Variants in DGKB observed in about 807,000 individuals in gnomAD.
DGKB encodes the protein 90 kDa diacylglycerol kinase.
DGKB carries 67 observed loss-of-function variants against 114.3 expected under a neutral mutation model. The observed-to-expected ratio is 0.59, with a 90% CI of 0.48 to 0.72. The LOEUF (loss-of-function observed/expected upper bound fraction) is 0.72. DGKB is among the 30% of genes least tolerant of loss of function. DGKB has a pLI of 0.00. For missense variants in DGKB, 907 were observed against 975.2 expected (o/e 0.93, Z 0.93); for synonymous variants, 398 against 323.1 (o/e 1.23, Z -2.49).
chr7:14,785,444 T>A (rs1234319213), intron 2 of DGKB, among the ~76,000 whole-genome samples: 1 of 152,184 alleles, frequency 6.6e-6, no homozygotes, highest in Non-Finnish European at 1.5e-5. Context: ...TACATGTATG[T>A]ATATACATGT....
At chr7:14,254,311 TG>T (rs1003564910) in intron 23 of DGKB, among the ~76,000 whole-genome samples, 1 of 152,220 alleles carries the variant, frequency 6.6e-6, no homozygotes, top group African/African-American at 2.4e-5. Context: ...TTCAGCCATT[TG>T]TTGAGGGTGC....
At chr7:14,758,463 G>T (rs1245824621) in intron 2 of DGKB, among the ~76,000 whole-genome samples, 1 of 151,868 alleles carries the variant, frequency 6.6e-6, no homozygotes, top group Non-Finnish European at 1.5e-5. Flanking sequence ...AGAAATCTCA[G>T]AATTACAACG....
chr7:14,778,776 C>T (rs1838618355), intron 2 of DGKB, among the ~76,000 whole-genome samples: 1 of 152,200 alleles, frequency 6.6e-6, no homozygotes, highest in African/African-American at 2.4e-5. Flanking sequence ...GCTTTTAGCA[C>T]ATTTTTGTGA....
At chr7:14,294,895 G>A (rs1465838557) in intron 23 of DGKB, among the ~76,000 whole-genome samples, 1 of 152,132 alleles carries the variant, frequency 6.6e-6, no homozygotes, top group Non-Finnish European at 1.5e-5. Context: ...GTTTTGGAGA[G>A]TCTTGTTGGA....
At chr7:14,290,158 G>A (rs560028184) in intron 23 of DGKB, among the ~76,000 whole-genome samples, 14 of 152,226 alleles carry the variant, frequency 9.2e-5, no homozygotes, top group Non-Finnish European at 1.8e-4. Context: ...AGGCTCTGGA[G>A]GAAAAGCTGT....
chr7:14,405,662 C>T (rs1205101036), intron 21 of DGKB, among the ~76,000 whole-genome samples: 1 of 151,968 alleles, frequency 6.6e-6, no homozygotes, highest in Non-Finnish European at 1.5e-5. Flanking sequence ...AAAAAGTCAG[C>T]ATGCAAGTAA....
intron 20 of DGKB, among the ~76,000 whole-genome samples, chr7:14,554,256 C>T (rs1245441650): frequency 6.6e-6 from 1 of 152,124 alleles, no homozygotes; most frequent in Admixed American, 6.5e-5. Flanking sequence ...TTGAGCACTA[C>T]TGTTGAGTGT....
intron 13 of DGKB, among the ~76,000 whole-genome samples, chr7:14,660,286 T>G (rs1816764410): frequency 2.0e-5 from 3 of 151,966 alleles, no homozygotes; most frequent in Non-Finnish European, 2.9e-5. Flanking sequence ...TTCTATTGAT[T>G]GGAATAGTTT....
intron 21 of DGKB, among the ~76,000 whole-genome samples, chr7:14,391,866 T>C (rs1371856162): frequency 6.6e-6 from 1 of 152,202 alleles, no homozygotes; most frequent in African/African-American, 2.4e-5. Context: ...AATGATATAA[T>C]ATTGAGAGAC....
chr7:14,598,693 C>G (rs995945774), intron 17 of DGKB, among the ~76,000 whole-genome samples: 3 of 151,932 alleles, frequency 2.0e-5, no homozygotes, highest in Non-Finnish European at 2.9e-5. Context: ...CTATCTTTTG[C>G]TGAAAAGTGT....
chr7:14,781,756 A>G (rs1209113531), intron 2 of DGKB, among the ~76,000 whole-genome samples: 2 of 152,196 alleles, frequency 1.3e-5, no homozygotes, highest in African/African-American at 2.4e-5. Context: ...ATTATAACAT[A>G]TAACTCTGGG....
chr7:14,608,703 G>C (rs73059484), intron 16 of DGKB, among the ~76,000 whole-genome samples: 50,037 of 151,772 alleles, frequency 0.33, 8,726 homozygotes, highest in East Asian at 0.69. Context: ...CCAAAAGGCT[G>C]TTAGAACTGA....
At chr7:14,325,904 A>C (rs1213081243) in intron 23 of DGKB, among the ~76,000 whole-genome samples, 1 of 152,142 alleles carries the variant, frequency 6.6e-6, no homozygotes, top group Admixed American at 6.6e-5. Context: ...GCATATTTTA[A>C]ATTTTATAGA....
At chr7:14,692,296 G>A (rs1238337462) in intron 9 of DGKB, among the ~76,000 whole-genome samples, 1 of 151,882 alleles carries the variant, frequency 6.6e-6, no homozygotes, top group African/African-American at 2.4e-5. Context: ...GCTCATTCCT[G>A]CATCTTCCCT....
rs536519801 is a variant in DGKB, at chr7:14,194,328, A to G, written c.2123-16177T>C. Among the ~76,000 whole-genome samples the G allele has an allele frequency of 4.6e-5, 7 of 152,292 alleles. No homozygotes were observed. The East Asian group carries it at 1.4e-3, about 29-fold the overall frequency. ...TCCAACAGTGGATGAATGGATAAAA[A>G]ATGTGGCAAATATACACCGTAGAAT... On this transcript the variant is annotated intron_variant, in intron 23 of 25. Coordinates refer to ENST00000402815, the MANE Select transcript of DGKB (RefSeq NM_001350709.2).
intron 21 of DGKB, among the ~76,000 whole-genome samples, chr7:14,372,619 T>A (rs1817842282): frequency 6.6e-6 from 1 of 152,088 alleles, no homozygotes; most frequent in Non-Finnish European, 1.5e-5. Flanking sequence ...GAGATGTGTA[T>A]AACAGAAAGA....
chr7:14,775,654 G>A (rs1838055306), intron 2 of DGKB, among the ~76,000 whole-genome samples: 1 of 151,948 alleles, frequency 6.6e-6, no homozygotes, highest in African/African-American at 2.4e-5. Flanking sequence ...ATTTCGTTCT[G>A]CATTTCTTGC....
chr7:14,446,226 A>G (rs1183263512), intron 21 of DGKB, among the ~76,000 whole-genome samples: 1 of 152,152 alleles, frequency 6.6e-6, no homozygotes, highest in Non-Finnish European at 1.5e-5. Context: ...AGACAAACTT[A>G]CTGTGTTTTA....
intron 5 of DGKB, among the ~76,000 whole-genome samples, chr7:14,731,302 T>C (rs957551864): frequency 3.9e-5 from 6 of 152,174 alleles, no homozygotes; most frequent in Non-Finnish European, 7.4e-5. Flanking sequence ...CCATCTAAAA[T>C]ACAGTACGTA....
Sources: allele counts gnomAD v4.1 joint callset (sites outside exome capture counted in the v4.1 genomes callset), GRCh38; gene constraint gnomAD v4.1.1; transcripts MANE v1.5; gene names NCBI Gene and HGNC (gene_info 2026-07-23, HGNC 2026-07-21).